Variants in DACH1 observed in about 807,000 individuals in gnomAD.
The protein encoded by DACH1 is dachshund family transcription factor 1, also known as dachshund homolog 1.
In DACH1, 12 loss-of-function variants were observed where a neutral mutation model predicts 54.2. That is an observed-to-expected ratio of 0.22 (90% CI 0.14 to 0.36). The LOEUF is 0.36. Ranked by LOEUF, DACH1 falls within the 10% of genes least tolerant of loss-of-function variation. The pLI is 1.00. For missense variants in DACH1, 805 were observed against 929.8 expected (o/e 0.87, Z 1.75); for synonymous variants, 386 against 366.2 (o/e 1.05, Z -0.62).
intron 1 of DACH1, among the ~76,000 whole-genome samples, chr13:71,708,195 C>G (rs1882539237): frequency 1.3e-5 from 2 of 151,364 alleles, no homozygotes; most frequent in Non-Finnish European, 2.9e-5. Context: ...TTCTGCATGG[C>G]TTATTCCTGT....
chr13:71,665,355 C>G (rs955580409), intron 2 of DACH1, among the ~76,000 whole-genome samples: 5 of 151,928 alleles, frequency 3.3e-5, no homozygotes, highest in African/African-American at 1.2e-4. Flanking sequence ...TAAGATCTCT[C>G]AATCTATCAT....
At chr13:71,840,074 G>A (rs755393455) in intron 1 of DACH1, among the ~76,000 whole-genome samples, 2 of 152,056 alleles carry the variant, frequency 1.3e-5, no homozygotes, top group Non-Finnish European at 2.9e-5. Context: ...GGCCTCCCAA[G>A]TAGCTGGAAT....
intron 1 of DACH1, among the ~76,000 whole-genome samples, chr13:71,861,832 G>C (rs1874375465): frequency 7.6e-6 from 1 of 132,042 alleles, no homozygotes; most frequent in African/African-American, 2.9e-5. Context: ...CTGTGTCATT[G>C]AAAACCAGGC....
intron 2 of DACH1, among the ~76,000 whole-genome samples, chr13:71,654,550 C>T (rs1265470901): frequency 6.7e-6 from 1 of 149,922 alleles, no homozygotes; most frequent in Non-Finnish European, 1.5e-5. Flanking sequence ...TCAGTTCAAA[C>T]CAGATGTGTC....
rs991601916 is a variant in DACH1, at chr13:71,531,570, A to T, written c.1570+25454T>A. Among the ~76,000 whole-genome samples the T allele has an allele frequency of 1.8e-4, 27 of 151,986 alleles. 1 individual carries two copies. The South Asian group carries it at 1.9e-3, about 11-fold the overall frequency. ...TTTAATTTGCATAATGAGCTTATCA[A>T]TTTTTTTTAATGAACTCAGAAATAG... On this transcript the variant is annotated intron_variant, in intron 6 of 10. Coordinates refer to ENST00000613252, the MANE Select transcript of DACH1 (RefSeq NM_080759.6).
At chr13:71,759,091 C>G (rs912826606) in intron 1 of DACH1, among the ~76,000 whole-genome samples, 1 of 152,052 alleles carries the variant, frequency 6.6e-6, no homozygotes, top group East Asian at 1.9e-4. Flanking sequence ...TTGGACAATG[C>G]TGAATCTGTT....
chr13:71,555,782 TA>T, intron 6 of DACH1, among the ~76,000 whole-genome samples: 1 of 152,244 alleles, frequency 6.6e-6, no homozygotes, highest in Non-Finnish European at 1.5e-5. Context: ...AAATGTAAGT[TA>T]AAAATTTAGA....
intron 7 of DACH1, among the ~76,000 whole-genome samples, chr13:71,483,925 G>A (rs1878270499): frequency 6.6e-6 from 1 of 152,030 alleles, no homozygotes; most frequent in Admixed American, 6.6e-5. Flanking sequence ...ATATCCTCTA[G>A]GTTTGTATAA....
At chr13:71,484,721 AC>A (rs1433463796) in intron 7 of DACH1, among the ~76,000 whole-genome samples, 1 of 152,152 alleles carries the variant, frequency 6.6e-6, no homozygotes, top group Non-Finnish European at 1.5e-5. Context: ...AACAAGATAA[AC>A]AAAGTAAATA....
At chr13:71,680,658 AT>A (rs1411874991) in intron 2 of DACH1, among the ~76,000 whole-genome samples, 1 of 152,214 alleles carries the variant, frequency 6.6e-6, no homozygotes, top group East Asian at 1.9e-4. Flanking sequence ...GCTGAAAAAA[AT>A]ATTAAATATA....
chr13:71,592,640 C>G (rs1873817669), intron 3 of DACH1, among the ~76,000 whole-genome samples: 1 of 151,062 alleles, frequency 6.6e-6, no homozygotes, highest in Admixed American at 6.6e-5. Context: ...TTGAGGGGAG[C>G]AGATTTCAAT....
At chr13:71,858,887 C>G (rs1874174084) in intron 1 of DACH1, among the ~76,000 whole-genome samples, 2 of 151,456 alleles carry the variant, frequency 1.3e-5, no homozygotes, top group African/African-American at 4.8e-5. Flanking sequence ...CTCTGCCTCT[C>G]TCTGCCTCTC....
At chr13:71,497,409 G>C (rs1229724649) in intron 6 of DACH1, among the ~76,000 whole-genome samples, 1 of 151,820 alleles carries the variant, frequency 6.6e-6, no homozygotes, top group African/African-American at 2.4e-5. Flanking sequence ...TCGGCTCACG[G>C]CAACCTCTGC....
intron 1 of DACH1, among the ~76,000 whole-genome samples, chr13:71,857,703 A>C (rs1189102543): frequency 1.3e-5 from 2 of 151,754 alleles, no homozygotes; most frequent in East Asian, 3.8e-4. Flanking sequence ...AAAGTGTTCC[A>C]GGTTATTCTT....
At chr13:71,457,790 G>A (rs1341778916) in intron 10 of DACH1, among the ~76,000 whole-genome samples, 1 of 151,814 alleles carries the variant, frequency 6.6e-6, no homozygotes, top group South Asian at 2.1e-4. Flanking sequence ...AGAGATTTTT[G>A]TCAGCTTCAA....
intron 2 of DACH1, among the ~76,000 whole-genome samples, chr13:71,657,815 T>C (rs1185005987): frequency 6.6e-6 from 1 of 152,132 alleles, no homozygotes; most frequent in Non-Finnish European, 1.5e-5. Flanking sequence ...CTCACTATGT[T>C]GCCCGGGCTT....
intron 1 of DACH1, among the ~76,000 whole-genome samples, chr13:71,693,565 G>A (rs937264765): frequency 1.0e-4 from 15 of 146,752 alleles, no homozygotes; most frequent in Admixed American, 4.9e-4. Context: ...TGATCCGCCC[G>A]CCTCGGCCTC....
At chr13:71,519,806 T>C (rs1881435301) in intron 6 of DACH1, among the ~76,000 whole-genome samples, 1 of 144,982 alleles carries the variant, frequency 6.9e-6, no homozygotes, top group Non-Finnish European at 1.5e-5. Flanking sequence ...ATGAAATAAT[T>C]CTGAGCACCA....
intron 1 of DACH1, among the ~76,000 whole-genome samples, chr13:71,810,025 G>A (rs550107058): frequency 6.6e-6 from 1 of 152,270 alleles, no homozygotes; most frequent in South Asian, 2.1e-4. Flanking sequence ...CTGAATCACT[G>A]TCCTGAAAGA....
Sources: allele counts gnomAD v4.1 joint callset (sites outside exome capture counted in the v4.1 genomes callset), GRCh38; gene constraint gnomAD v4.1.1; transcripts MANE v1.5; gene names NCBI Gene and HGNC (gene_info 2026-07-23, HGNC 2026-07-21).